Variants in XKR6 observed in about 807,000 individuals in gnomAD.
The protein encoded by XKR6 is XK-related protein 6.
Under a neutral mutation model 56.7 loss-of-function variants are expected in XKR6, and 22 were observed. The observed-to-expected ratio is 0.39, with a 90% CI of 0.28 to 0.55. XKR6 has a LOEUF of 0.55. Ranked by LOEUF, XKR6 falls within the 20% of genes least tolerant of loss-of-function variation. The pLI is 0.66. For synonymous variants in XKR6, 524 were observed against 387.8 expected (o/e 1.35, Z -4.13); for missense variants, 852 against 889.0 (o/e 0.96, Z 0.53).
intron 1 of XKR6, among the ~76,000 whole-genome samples, chr8:11,126,852 A>T (rs1253617155): frequency 6.6e-6 from 1 of 152,182 alleles, no homozygotes; most frequent in Non-Finnish European, 1.5e-5. Flanking sequence ...CCCCACAAAC[A>T]AGTCATGTTG....
At chr8:11,144,348 G>A (rs192167245) in intron 1 of XKR6, among the ~76,000 whole-genome samples, 125 of 150,676 alleles carry the variant, frequency 8.3e-4, no homozygotes, top group African/African-American at 2.9e-3. Context: ...AGGAAAGACA[G>A]AAGTGAGAAG....
At chr8:10,908,886 T>A (rs982644044) in intron 2 of XKR6, among the ~76,000 whole-genome samples, 2 of 152,176 alleles carry the variant, frequency 1.3e-5, no homozygotes, top group Non-Finnish European at 2.9e-5. Context: ...TAGTTTGGAC[T>A]GGGCACGGTG....
intron 1 of XKR6, among the ~76,000 whole-genome samples, chr8:11,190,683 C>G (rs1164712587): frequency 6.6e-6 from 1 of 152,104 alleles, no homozygotes; most frequent in Non-Finnish European, 1.5e-5. Flanking sequence ...CCAAGAGGCC[C>G]CAGAGGTTGA....
intron 1 of XKR6, among the ~76,000 whole-genome samples, chr8:11,006,979 G>T (rs146264023): frequency 3.9e-5 from 6 of 152,266 alleles, no homozygotes; most frequent in Non-Finnish European, 8.8e-5. Flanking sequence ...AATGATTAGC[G>T]TAGGGACAGA....
intron 1 of XKR6, among the ~76,000 whole-genome samples, chr8:11,163,403 G>C (rs551057602): frequency 3.3e-5 from 5 of 149,390 alleles, no homozygotes; most frequent in African/African-American, 1.3e-4. Flanking sequence ...TTTATCTCTT[G>C]TCACCATTAT....
chr8:11,134,041 G>A (rs915052791), intron 1 of XKR6, among the ~76,000 whole-genome samples: 1 of 152,072 alleles, frequency 6.6e-6, no homozygotes, highest in Non-Finnish European at 1.5e-5. Context: ...CCACAGCCCT[G>A]AGCCCCAGAA....
chr8:11,091,818 T>C (rs576420438), intron 1 of XKR6, among the ~76,000 whole-genome samples: 1 of 152,286 alleles, frequency 6.6e-6, no homozygotes, highest in South Asian at 2.1e-4. Context: ...CATGGGACTG[T>C]TCAAGTCCCC....
Position 11,074,664 on chromosome 8 carries a change from C to A in XKR6, c.764+125912G>T, listed in dbSNP as rs529332274. Among the ~76,000 whole-genome samples the A allele has an allele frequency of 9.3e-4, 141 of 152,278 alleles. 1 individual carries two copies. Among genetic ancestry groups the A allele is most frequent in the Non-Finnish European group, 1.8e-3 (121 of 68,030 alleles). On this transcript the variant is annotated intron_variant, in intron 1 of 2. Transcript: ENST00000416569. ...AGGCACTGGAGACATCACCCCTGCC[C>A]CAGGAAGCACACAGTCCAAGGTGGG...
intron 1 of XKR6, among the ~76,000 whole-genome samples, chr8:11,175,836 C>T (rs1299418717): frequency 6.6e-6 from 1 of 152,272 alleles, no homozygotes; most frequent in Non-Finnish European, 1.5e-5. Flanking sequence ...GTCAACAGTC[C>T]CCAAGGTGCT....
Position 11,033,999 on chromosome 8 carries a change from G to C in XKR6, c.765-109169C>G, listed in dbSNP as rs946838608. ...ACCACATCCTCAAATTTCAAGAGCA[G>C]TCCCTTGTTGCTCCAGCATAGCCTG... On this transcript the variant is annotated intron_variant, in intron 1 of 2. Coordinates refer to ENST00000416569, the MANE Select transcript of XKR6 (RefSeq NM_173683.4). 2.0e-5 allele frequency among the ~76,000 whole-genome samples: 3 copies of C among 152,232 alleles called. No homozygotes were observed. In the East Asian group the frequency reaches 5.8e-4, roughly 29 times the overall value.
At chr8:11,124,735 A>ATTT (rs1799670783) in intron 1 of XKR6, 1 of 152,282 alleles carries the variant, frequency 6.6e-6, no homozygotes, top group Non-Finnish European at 1.5e-5. Flanking sequence ...CAGTGAGTAA[A>ATTT]AGACGGCTCC....
chr8:10,991,759 C>A (rs1412327796), intron 1 of XKR6, among the ~76,000 whole-genome samples: 1 of 152,130 alleles, frequency 6.6e-6, no homozygotes, highest in African/African-American at 2.4e-5. Context: ...TGTTTTTCTC[C>A]CATTGCCTCT....
chr8:11,080,957 A>G (rs188867810), intron 1 of XKR6, among the ~76,000 whole-genome samples: 2 of 152,240 alleles, frequency 1.3e-5, no homozygotes, highest in Non-Finnish European at 2.9e-5. Flanking sequence ...GGAGAAAAAA[A>G]TTCACAGGAC....
intron 1 of XKR6, among the ~76,000 whole-genome samples, chr8:11,040,798 C>A (rs1246687835): frequency 6.6e-6 from 1 of 152,166 alleles, no homozygotes; most frequent in Non-Finnish European, 1.5e-5. Context: ...TCAACACATG[C>A]ATTTGGGGGA....
intron 1 of XKR6, among the ~76,000 whole-genome samples, chr8:10,986,587 G>T (rs536161045): frequency 2.6e-5 from 4 of 152,262 alleles, no homozygotes; most frequent in African/African-American, 7.2e-5. Flanking sequence ...CAAGAAAAAA[G>T]TGTGTGGGAG....
chr8:11,180,275 A>G (rs1365737304), intron 1 of XKR6, among the ~76,000 whole-genome samples: 2 of 152,282 alleles, frequency 1.3e-5, no homozygotes, highest in African/African-American at 4.8e-5. Flanking sequence ...ACAAGAGAGC[A>G]TAAAGAATGG....
chr8:11,091,379 A>C (rs1369515425), intron 1 of XKR6, among the ~76,000 whole-genome samples: 1 of 152,096 alleles, frequency 6.6e-6, no homozygotes, highest in Admixed American at 6.5e-5. Context: ...TGGAGGCTGC[A>C]GTGAGCCAAG....
intron 1 of XKR6, among the ~76,000 whole-genome samples, chr8:11,045,139 T>C (rs1397172479): frequency 8.1e-6 from 1 of 123,472 alleles, no homozygotes. Context: ...CAGGCCGGAG[T>C]GCAGTGGCAC....
At chr8:11,060,289 G>A (rs1173912549) in intron 1 of XKR6, among the ~76,000 whole-genome samples, 1 of 152,148 alleles carries the variant, frequency 6.6e-6, no homozygotes, top group Non-Finnish European at 1.5e-5. Context: ...GCCAGCAGCA[G>A]GGCTTTCCCT....
Sources: gnomAD v4.1 joint callset for allele counts (sites outside exome capture counted in the v4.1 genomes callset) on GRCh38, gnomAD v4.1.1 for gene constraint, MANE v1.5 for transcripts, NCBI Gene and HGNC (gene_info 2026-07-23, HGNC 2026-07-21) for gene names.